The following EPS15 variants were observed in gnomAD, a reference collection of about 807,000 sequenced individuals.
The protein encoded by EPS15 is epidermal growth factor receptor substrate 15.
In EPS15, 72 loss-of-function variants were observed where a neutral mutation model predicts 113.8. That is an observed-to-expected ratio of 0.63 (90% CI 0.52 to 0.77). The LOEUF (loss-of-function observed/expected upper bound fraction) is 0.77. EPS15 is among the 30% of genes least tolerant of loss of function. EPS15 has a pLI of 0.00. For missense variants in EPS15, 1,048 were observed against 1,045.8 expected, an observed-to-expected ratio of 1.00 and a Z score of -0.03; for synonymous variants, 344 against 363.4, an observed-to-expected ratio of 0.95 and a Z score of 0.61.
chr1:51,432,310 G>GTATA (rs1651798855), intron 12 of EPS15, among the ~76,000 whole-genome samples: 1 of 133,640 alleles, frequency 7.5e-6, no homozygotes, highest in East Asian at 2.0e-4. Flanking sequence ...ATGTATGTAT[G>GTATA]TATGTATGTA....
chr1:51,431,202 G>T (rs1651705593), intron 12 of EPS15, among the ~76,000 whole-genome samples: 1 of 152,118 alleles, frequency 6.6e-6, no homozygotes. Flanking sequence ...TAAATTCTGT[G>T]AAAGTATGAT....
chr1:51,393,616 G>T (rs935816071), intron 21 of EPS15, among the ~76,000 whole-genome samples: 1 of 152,106 alleles, frequency 6.6e-6, no homozygotes, highest in Admixed American at 6.6e-5. Flanking sequence ...AAAATAAAGC[G>T]ATCTATTTTC....
chr1:51,402,334 G>T, intron 18 of EPS15, 101 bp downstream of exon 18: 2 of 578,628 alleles, frequency 3.5e-6, no homozygotes, highest in South Asian at 2.5e-5. Context: ...GCGACAGACT[G>T]AGTTGGTAGG....
chr1:51,508,339 A>AGAAAGAAAGAAAG (rs371910286), intron 1 of EPS15, among the ~76,000 whole-genome samples: 76 of 23,824 alleles, frequency 3.2e-3, no homozygotes, highest in African/African-American at 7.7e-3. Flanking sequence ...AGAGAAAGAG[A>AGAAAGAAAGAAAG]GAAAGAAAGA....
intron 12 of EPS15, among the ~76,000 whole-genome samples, chr1:51,439,509 T>C (rs1255446065): frequency 6.6e-6 from 1 of 152,100 alleles, no homozygotes; most frequent in Non-Finnish European, 1.5e-5. Flanking sequence ...GGTGTGAATA[T>C]TTAGATACAG....
chr1:51,473,621 A>G (rs780959626), intron 2 of EPS15, among the ~76,000 whole-genome samples: 2 of 152,010 alleles, frequency 1.3e-5, no homozygotes, highest in Non-Finnish European at 2.9e-5. Context: ...CAAAAACAGG[A>G]AAAAAAAGAC....
chr1:51,367,030 A>T (rs72694135), intron 21 of EPS15, among the ~76,000 whole-genome samples: 4,585 of 152,342 alleles, frequency 0.03, 76 homozygotes, highest in African/African-American at 0.05. Flanking sequence ...CTAGTAAAAG[A>T]TATGTAAACA....
At chr1:51,365,291 G>C (rs1057380251) in intron 22 of EPS15, among the ~76,000 whole-genome samples, 2 of 152,164 alleles carry the variant, frequency 1.3e-5, no homozygotes, top group Admixed American at 1.3e-4. Flanking sequence ...TGGGGGGCTA[G>C]AGAGTGGACT....
intron 12 of EPS15, among the ~76,000 whole-genome samples, chr1:51,427,811 G>A (rs1354259346): frequency 1.3e-5 from 2 of 152,058 alleles, no homozygotes; most frequent in Non-Finnish European, 2.9e-5. Flanking sequence ...GAAGATGTTG[G>A]CAAAACAGCA....
intron 1 of EPS15, among the ~76,000 whole-genome samples, chr1:51,502,204 GCAGTAAGCCAC>G (rs1480044611): frequency 2.0e-5 from 3 of 152,144 alleles, no homozygotes; most frequent in African/African-American, 7.2e-5. Flanking sequence ...GGTCAAGGCT[GCAGTAAGCCAC>G]CATCTCACCA....
chr1:51,487,927 C>T (rs1302253508), intron 1 of EPS15, among the ~76,000 whole-genome samples: 1 of 151,768 alleles, frequency 6.6e-6, no homozygotes, highest in East Asian at 1.9e-4. Context: ...GGACTATGAA[C>T]ATGATCACTT....
intron 1 of EPS15, among the ~76,000 whole-genome samples, chr1:51,508,385 A>AGAGAAAGAAAGAAAGAAAGG (rs879419230): frequency 1.9e-4 from 28 of 146,268 alleles, no homozygotes. Flanking sequence ...AGAAAGAAAG[A>AGAGAAAGAAAGAAAGAAAGG]GAAAATTTAA....
At chr1:51,463,532 C>A in intron 7 of EPS15, 141 bp downstream of exon 7, 1 of 523,362 alleles carries the variant, frequency 1.9e-6, no homozygotes, top group Non-Finnish European at 3.3e-6. Context: ...TACATTAAGT[C>A]AGAAAACAAA....
At chr1:51,394,654 C>A (rs552486663) in intron 20 of EPS15, among the ~76,000 whole-genome samples, 61 of 152,260 alleles carry the variant, frequency 4.0e-4, no homozygotes, top group Admixed American at 7.2e-4. Flanking sequence ...TGAAATATAA[C>A]ATCTATTCAG....
chr1:51,464,630 T>C (rs1011130114), intron 6 of EPS15, among the ~76,000 whole-genome samples: 2 of 152,238 alleles, frequency 1.3e-5, no homozygotes, highest in African/African-American at 4.8e-5. Flanking sequence ...TAACAAGATA[T>C]CTCCTAAATT....
intron 12 of EPS15, among the ~76,000 whole-genome samples, chr1:51,430,646 AC>A (rs1288430394): frequency 1.3e-5 from 2 of 152,134 alleles, no homozygotes; most frequent in Admixed American, 1.3e-4. Flanking sequence ...ATTTATTCTT[AC>A]CATAAGTTTT....
In EPS15 at chr1:51,468,520, C is replaced by G. The variant is rs1189423576; in HGVS notation, c.262G>C (p.Glu88Gln). The change falls in exon 5 of 25, where the codon GAA (glutamate) becomes CAA (glutamine). Residue 88 changes from glutamate to glutamine, a missense_variant. Transcript: ENST00000371733. ...RLVACAQNGLEVSLSSLNLAV... is the reference protein window; with the variant it reads ...RLVACAQNGLQVSLSSLNLAV... ...AGGTTCAAACTACTTAGTGAAACTT[C>G]CAATCCATTCTGGGCACATGCCACA... The G allele has an allele frequency of 6.2e-7, 1 of 1,613,728 alleles. No homozygotes were observed. Among genetic ancestry groups the G allele is most frequent in the Non-Finnish European group, 8.5e-7 (1 of 1,179,746 alleles).
At chr1:51,361,889 G>A (rs1646395106) in intron 23 of EPS15, among the ~76,000 whole-genome samples, 1 of 152,136 alleles carries the variant, frequency 6.6e-6, no homozygotes, top group Non-Finnish European at 1.5e-5. Flanking sequence ...GTAAAATGCT[G>A]CCAATTTTTT....
chr1:51,513,830 T>C (rs1318439401), intron 1 of EPS15, among the ~76,000 whole-genome samples: 1 of 152,220 alleles, frequency 6.6e-6, no homozygotes, highest in East Asian at 1.9e-4. Flanking sequence ...ATCATTCCTC[T>C]AATCAATTTC....
Sources: allele counts gnomAD v4.1 joint callset (sites outside exome capture counted in the v4.1 genomes callset), GRCh38; gene constraint gnomAD v4.1.1; transcripts MANE v1.5; gene names NCBI Gene and HGNC (gene_info 2026-07-23, HGNC 2026-07-21).